The following MAN1C1 variants were observed in gnomAD, a reference collection of about 807,000 sequenced individuals.
The protein encoded by MAN1C1 is mannosyl-oligosaccharide 1,2-alpha-mannosidase IC.
In MAN1C1, 49 loss-of-function variants were observed where a neutral mutation model predicts 71.5. The observed-to-expected ratio is 0.69, with a 90% CI of 0.54 to 0.87. The LOEUF (loss-of-function observed/expected upper bound fraction) is 0.87, where lower values mean the gene tolerates loss of function less well. Ranked by LOEUF, MAN1C1 falls within the 40% of genes least tolerant of loss-of-function variation. The pLI, the probability that MAN1C1 is intolerant of heterozygous loss-of-function variation, is 0.00. For missense variants in MAN1C1, 743 were observed against 835.0 expected, an observed-to-expected ratio of 0.89 and a Z score of 1.36; for synonymous variants, 352 against 343.7, an observed-to-expected ratio of 1.02 and a Z score of -0.27.
chr1:25,766,234 G>A (rs993665721), intron 7 of MAN1C1, among the ~76,000 whole-genome samples: 1 of 152,100 alleles, frequency 6.6e-6, no homozygotes, highest in Non-Finnish European at 1.5e-5. Flanking sequence ...CTGAGCCCTC[G>A]GCCTGCTAAA....
intron 1 of MAN1C1, among the ~76,000 whole-genome samples, chr1:25,652,706 G>A (rs1455438486): frequency 6.6e-6 from 1 of 152,204 alleles, no homozygotes; most frequent in African/African-American, 2.4e-5. Context: ...CTCAACCTCT[G>A]CCTCAATGTC....
In MAN1C1 at chr1:25,634,211, T is replaced by G. The variant is rs1304366960; in HGVS notation, c.540+15874T>G. On this transcript the variant is annotated intron_variant, in intron 1 of 11. Coordinates refer to ENST00000374332, the MANE Select transcript of MAN1C1 (RefSeq NM_020379.4). This position sits in a 1 kb window ranked among gnomAD's most constrained non-coding sequence, Gnocchi z 4.6. The stretch of plus-strand genomic sequence containing the variant: ...CTTCTTCCTTTACAGTTTATATGCT[T>G]CTTATTTCCTTTTCTTGCTTCATTG... Among the ~76,000 whole-genome samples the G allele has an allele frequency of 2.0e-5, 3 of 152,244 alleles. No homozygotes were observed. Among genetic ancestry groups the G allele is most frequent in the Admixed American group, 2.0e-4 (3 of 15,278 alleles).
rs2124299846 is a variant in MAN1C1, at chr1:25,730,824, A to C, written c.638-15844A>C. On this transcript the variant is annotated intron_variant, in intron 2 of 11. Transcript: ENST00000374332. The surrounding 1 kb of genome is among the most constrained non-coding windows in gnomAD (Gnocchi z 4.3). ...CTCTCCTGCCAGACTCTGTTCATGG[A>C]GTCCTGCACCCTTCACCTGATTCAG... Among the ~76,000 whole-genome samples, 1 of 152,252 alleles carries C rather than the reference A, an allele frequency of 6.6e-6. No homozygotes were observed. The highest frequency in any genetic ancestry group is 2.1e-4 in the South Asian group (1 of 4,820).
chr1:25,625,605 T>C (rs1424842738), intron 1 of MAN1C1, among the ~76,000 whole-genome samples: 1 of 152,098 alleles, frequency 6.6e-6, no homozygotes, highest in African/African-American at 2.4e-5. Flanking sequence ...CACATGAAGA[T>C]AGAAGTTCAA....
intron 6 of MAN1C1, among the ~76,000 whole-genome samples, chr1:25,761,835 C>T (rs1572202094): frequency 6.6e-6 from 1 of 151,966 alleles, no homozygotes; most frequent in Admixed American, 6.6e-5. Flanking sequence ...GTTGGCCAGG[C>T]TGGTCTCGAA....
intron 2 of MAN1C1, 104 bp downstream of exon 2, chr1:25,686,640 T>G (rs1191699907): frequency 1.1e-6 from 1 of 885,262 alleles, no homozygotes; most frequent in African/African-American, 1.6e-5. Flanking sequence ...CTGTGGGGGC[T>G]CCACAGTTCT....
At chr1:25,640,728 A>C in intron 1 of MAN1C1, among the ~76,000 whole-genome samples, 1 of 152,188 alleles carries the variant, frequency 6.6e-6, no homozygotes, top group East Asian at 1.9e-4. Flanking sequence ...TTGTGTGTAT[A>C]ATTAAGTGAG....
intron 2 of MAN1C1, among the ~76,000 whole-genome samples, chr1:25,739,515 G>T (rs1366473885): frequency 6.6e-6 from 1 of 152,168 alleles, no homozygotes; most frequent in Non-Finnish European, 1.5e-5. Context: ...TGTGTTGCCA[G>T]CCTGACCATT....
chr1:25,754,057 C>T lies in MAN1C1; in HGVS notation c.929+479C>T, dbSNP rs533058953. Among the ~76,000 whole-genome samples, 3 of 152,270 alleles carry T rather than the reference C, an allele frequency of 2.0e-5. No individual in the cohort carries two copies. In the South Asian group the frequency reaches 6.2e-4, roughly 32 times the overall value. ...GGTCCCTGAAGCTGCTAGGAGATCT[C>T]AGGATCCCAGCCCTCCCAAACAGGA... On this transcript the variant is annotated intron_variant, in intron 5 of 11. Coordinates refer to ENST00000374332, the MANE Select transcript of MAN1C1 (RefSeq NM_020379.4).
intron 1 of MAN1C1, among the ~76,000 whole-genome samples, chr1:25,670,793 T>C (rs1460618878): frequency 1.3e-5 from 2 of 152,178 alleles, no homozygotes; most frequent in African/African-American, 4.8e-5. Context: ...TGGTCTTACC[T>C]CTGAGGGTGG....
intron 7 of MAN1C1, 43 bp from the exon 8 acceptor site, chr1:25,771,614 G>A (rs755521306): frequency 2.7e-6 from 4 of 1,492,114 alleles, no homozygotes; most frequent in Non-Finnish European, 3.7e-6. Flanking sequence ...GTGAGAGCCG[G>A]CGGCAGATGG....
intron 1 of MAN1C1, chr1:25,645,107 T>A (rs2045595283): frequency 6.6e-6 from 1 of 152,246 alleles, no homozygotes; most frequent in African/African-American, 2.4e-5. Context: ...TTTCCTGCAG[T>A]TTCCCCTTGT....
intron 5 of MAN1C1, 40 bp from the exon 6 acceptor site, chr1:25,758,552 G>C: frequency 6.7e-7 from 1 of 1,485,236 alleles, no homozygotes; most frequent in Non-Finnish European, 8.9e-7. Context: ...AGCCAGCCTG[G>C]CCAAAGGGGG....
intron 1 of MAN1C1, among the ~76,000 whole-genome samples, chr1:25,627,183 A>G (rs947155649): frequency 2.0e-5 from 3 of 152,204 alleles, no homozygotes; most frequent in African/African-American, 4.8e-5. Flanking sequence ...CTAATTGACT[A>G]TATACAATAT....
At chr1:25,770,641 A>G (rs1289627618) in intron 7 of MAN1C1, among the ~76,000 whole-genome samples, 1 of 152,144 alleles carries the variant, frequency 6.6e-6, no homozygotes, top group African/African-American at 2.4e-5. Flanking sequence ...AGTTATAAAT[A>G]ATACATTGAG....
At chr1:25,664,262 T>TG (rs2045890292) in intron 1 of MAN1C1, among the ~76,000 whole-genome samples, 1 of 136,886 alleles carries the variant, frequency 7.3e-6, no homozygotes, top group Non-Finnish European at 1.6e-5. Flanking sequence ...CCCTACTAGT[T>TG]TTTTTTTTTT....
intron 1 of MAN1C1, among the ~76,000 whole-genome samples, chr1:25,626,958 G>T (rs1428896306): frequency 2.6e-5 from 4 of 151,896 alleles, no homozygotes; most frequent in Admixed American, 6.6e-5. Flanking sequence ...AAAAAACTTT[G>T]CCTACCCCAG....
At chr1:25,622,951 G>C (rs559196884) in intron 1 of MAN1C1, among the ~76,000 whole-genome samples, 1 of 152,318 alleles carries the variant, frequency 6.6e-6, no homozygotes, top group East Asian at 1.9e-4. Context: ...ATGTGAATCT[G>C]AGCCTGTGAG....
chr1:25,635,905 G>GT (rs2045453114), intron 1 of MAN1C1, among the ~76,000 whole-genome samples: 1 of 152,240 alleles, frequency 6.6e-6, no homozygotes, highest in Non-Finnish European at 1.5e-5. Flanking sequence ...TCCATTTTCC[G>GT]TAAGTGTCAG....
Sources: allele counts gnomAD v4.1 joint callset (sites outside exome capture counted in the v4.1 genomes callset), GRCh38; gene constraint gnomAD v4.1.1; non-coding constraint Gnocchi (gnomAD v3.1); transcripts MANE v1.5; gene names NCBI Gene and HGNC (gene_info 2026-07-23, HGNC 2026-07-21).